Variants in PDE4B observed in about 807,000 individuals in gnomAD.
PDE4B encodes the protein 3',5'-cyclic-AMP phosphodiesterase 4B.
PDE4B carries 20 observed loss-of-function variants against 82.2 expected under a neutral mutation model. That is an observed-to-expected ratio of 0.24 (90% confidence interval 0.17 to 0.35). PDE4B has a LOEUF of 0.35. PDE4B is among the 10% of genes least tolerant of loss of function. The probability of loss-of-function intolerance (pLI) is 1.00; values close to 1 mark genes in which losing one functional copy is unlikely to be tolerated. For synonymous variants in PDE4B, 320 were observed against 318.9 expected, an observed-to-expected ratio of 1.00 and a Z score of -0.04; for missense variants, 655 against 907.2, an observed-to-expected ratio of 0.72 and a Z score of 3.57.
Position 66,365,681 on chromosome 1 carries a change from T to C in PDE4B, c.1299T>C (p.Asp433=). 6.2e-7 allele frequency: 1 copy of C among 1,607,980 alleles called. No individual in the cohort carries two copies. The highest frequency in any genetic ancestry group is 8.5e-7 in the Non-Finnish European group (1 of 1,175,128). The change falls in exon 13 of 17, where the codon GAT becomes GAC. Residue 433 remains aspartate, a synonymous_variant. Coordinates refer to ENST00000341517, the MANE Select transcript of PDE4B (RefSeq NM_002600.4). The part of the protein sequence containing the change: ...STPALDAVFT[D]LEILAAIFAA... Reference sequence around the variant, plus strand: ...TTGCCCGACAGGCTGTCTTCACAGATTTGGAGATCCTGGCTGCCATTTTTG... The same window carrying C: ...TTGCCCGACAGGCTGTCTTCACAGACTTGGAGATCCTGGCTGCCATTTTTG...
chr1:66,262,581 G>T (rs949601177), intron 6 of PDE4B, among the ~76,000 whole-genome samples: 1 of 152,146 alleles, frequency 6.6e-6, no homozygotes, highest in Non-Finnish European at 1.5e-5. Flanking sequence ...ATAAGTTACG[G>T]ACTTTGGAAA....
chr1:66,071,190 CCAAA>C (rs776492188), intron 3 of PDE4B, among the ~76,000 whole-genome samples: 17 of 152,002 alleles, frequency 1.1e-4, no homozygotes, highest in Non-Finnish European at 2.2e-4. Flanking sequence ...CACTTTTTCT[CCAAA>C]CAATTTTGTA....
chr1:66,354,093 C>G (rs1191447391), intron 8 of PDE4B, among the ~76,000 whole-genome samples: 1 of 152,094 alleles, frequency 6.6e-6, no homozygotes, highest in Non-Finnish European at 1.5e-5. Flanking sequence ...TTGGTGTGTG[C>G]GACAAATAAT....
At chr1:66,018,712 A>C (rs535503028) in intron 3 of PDE4B, among the ~76,000 whole-genome samples, 3 of 152,270 alleles carry the variant, frequency 2.0e-5, no homozygotes, top group African/African-American at 7.2e-5. Context: ...TGAAAATAAC[A>C]CCATTTTATA....
chr1:66,214,317 T>C (rs1650287204), intron 3 of PDE4B, among the ~76,000 whole-genome samples: 1 of 152,190 alleles, frequency 6.6e-6, no homozygotes, highest in African/African-American at 2.4e-5. Flanking sequence ...CTTTTATTCA[T>C]TCATTACTTT....
chr1:65,869,349 G>T (rs888081860), intron 1 of PDE4B, among the ~76,000 whole-genome samples: 1 of 152,164 alleles, frequency 6.6e-6, no homozygotes, highest in Non-Finnish European at 1.5e-5. Context: ...TATCATTCAA[G>T]AATTTTTGTC....
In PDE4B at chr1:66,361,507, A is replaced by G. The variant is rs144682696; in HGVS notation, c.842-108A>G. ...CAGTGAAATAGTGCTACAAGATTTT[A>G]TTTTATAAGATTCTAAAGCTGTTAT... is the stretch of plus-strand genomic sequence containing the variant. On this transcript the variant is annotated intron_variant, in intron 9 of 16. Transcript: ENST00000341517. 1.6e-3 allele frequency: 1,339 copies of G among 815,298 alleles called. 12 individuals are homozygous for G. Among genetic ancestry groups the G allele is most frequent in the Admixed American group, 8.1e-3 (340 of 42,098 alleles). 50.5% of individuals were successfully genotyped at this position (815,298 alleles called of 1,614,324 possible).
intron 3 of PDE4B, among the ~76,000 whole-genome samples, chr1:66,171,186 A>G (rs1646830326): frequency 6.6e-6 from 1 of 152,192 alleles, no homozygotes; most frequent in Admixed American, 6.5e-5. Flanking sequence ...GGATTGGTAG[A>G]AAATATCAGA....
At chr1:65,976,621 G>T (rs1023826966) in intron 3 of PDE4B, among the ~76,000 whole-genome samples, 1 of 152,128 alleles carries the variant, frequency 6.6e-6, no homozygotes, top group African/African-American at 2.4e-5. Context: ...GCGGGACCTG[G>T]TGAGAGGTGA....
At chr1:66,204,658 T>C (rs930990399) in intron 3 of PDE4B, among the ~76,000 whole-genome samples, 6 of 152,228 alleles carry the variant, frequency 3.9e-5, no homozygotes, top group African/African-American at 7.2e-5. Context: ...ATGTGCAGGA[T>C]ATAATCTCCT....
At chr1:66,116,913 A>G (rs1324652915) in intron 3 of PDE4B, among the ~76,000 whole-genome samples, 1 of 152,130 alleles carries the variant, frequency 6.6e-6, no homozygotes, top group Non-Finnish European at 1.5e-5. Flanking sequence ...CTTTTCAGCT[A>G]CAGCCCCAGG....
intron 3 of PDE4B, among the ~76,000 whole-genome samples, chr1:66,026,620 T>A (rs913997813): frequency 3.3e-5 from 5 of 152,246 alleles, no homozygotes; most frequent in Non-Finnish European, 7.3e-5. Context: ...TTCTGAGGAC[T>A]AGCACATAAT....
chr1:65,973,078 T>C (rs1650229196), intron 3 of PDE4B, among the ~76,000 whole-genome samples: 1 of 152,114 alleles, frequency 6.6e-6, no homozygotes, highest in Non-Finnish European at 1.5e-5. Flanking sequence ...CATTAGTTAA[T>C]TGACAATATT....
intron 1 of PDE4B, among the ~76,000 whole-genome samples, chr1:65,869,616 G>A (rs929882091): frequency 6.6e-6 from 1 of 151,906 alleles, no homozygotes. Context: ...ATTCAGGAGG[G>A]TTAGAATTCC....
intron 3 of PDE4B, among the ~76,000 whole-genome samples, chr1:66,028,898 T>C (rs553900663): frequency 6.6e-6 from 1 of 152,324 alleles, no homozygotes; most frequent in African/African-American, 2.4e-5. Context: ...TCTAGGAAGT[T>C]CCAAATTTTC....
chr1:65,960,205 T>C (rs1186252879), intron 3 of PDE4B, among the ~76,000 whole-genome samples: 1 of 152,160 alleles, frequency 6.6e-6, no homozygotes, highest in Non-Finnish European at 1.5e-5. Context: ...GTTGTTTCAC[T>C]GTATCAGTGC....
At chr1:65,972,778 C>CACTGTAGCTT (rs554766707) in intron 3 of PDE4B, among the ~76,000 whole-genome samples, 126 of 152,210 alleles carry the variant, frequency 8.3e-4, no homozygotes, top group African/African-American at 3.0e-3. Flanking sequence ...GATGCAGTTC[C>CACTGTAGCTT]ACTGTAACTA....
chr1:65,889,636 G>T (rs1190456344), intron 1 of PDE4B, among the ~76,000 whole-genome samples: 1 of 152,126 alleles, frequency 6.6e-6, no homozygotes, highest in Non-Finnish European at 1.5e-5. Context: ...CTTTAATGAG[G>T]TGCCAAATAA....
chr1:65,808,936 A>T (rs4477250), intron 1 of PDE4B, among the ~76,000 whole-genome samples: 1 of 152,294 alleles, frequency 6.6e-6, no homozygotes, highest in Non-Finnish European at 1.5e-5. Context: ...GGACACACAG[A>T]TCAGGCTTTT....
Sources: gnomAD v4.1 joint callset for allele counts (sites outside exome capture counted in the v4.1 genomes callset) on GRCh38, gnomAD v4.1.1 for gene constraint, MANE v1.5 for transcripts, NCBI Gene and HGNC (gene_info 2026-07-23, HGNC 2026-07-21) for gene names.